Variants in CHRM3 observed in about 807,000 individuals in gnomAD.
CHRM3 encodes muscarinic acetylcholine receptor M3.
CHRM3 carries 11 observed loss-of-function variants against 41.8 expected under a neutral mutation model. The observed-to-expected ratio is 0.26, with a 90% CI of 0.17 to 0.44. CHRM3 has a LOEUF of 0.44. Among genes scored for constraint, CHRM3 ranks in the 20% least tolerant of loss-of-function variants. The probability of loss-of-function intolerance (pLI) is 1.00; values close to 1 mark genes in which losing one functional copy is unlikely to be tolerated. For synonymous variants in CHRM3, 297 were observed against 301.4 expected (o/e 0.99, Z 0.15); for missense variants, 571 against 745.4 (o/e 0.77, Z 2.72).
At chr1:239,836,872 G>A (rs1673365786) in intron 6 of CHRM3, among the ~76,000 whole-genome samples, 2 of 151,994 alleles carry the variant, frequency 1.3e-5, no homozygotes, top group South Asian at 4.1e-4. Flanking sequence ...CTACTTGGGA[G>A]GCTGAGGCAG....
At chr1:239,794,347 A>ACCTTTTGC (rs1039001741) in intron 5 of CHRM3, among the ~76,000 whole-genome samples, 15 of 149,564 alleles carry the variant, frequency 1.0e-4, no homozygotes, top group Admixed American at 1.0e-3. Flanking sequence ...AGTTAGAGTT[A>ACCTTTTGC]CCTTTTGCTT....
At chr1:239,610,229 A>G (rs1249646367) in intron 3 of CHRM3, among the ~76,000 whole-genome samples, 2 of 150,782 alleles carry the variant, frequency 1.3e-5, no homozygotes, top group African/African-American at 4.9e-5. Context: ...AAAACAGGCA[A>G]TCTTTTGTGG....
intron 3 of CHRM3, among the ~76,000 whole-genome samples, chr1:239,579,121 T>C (rs150743898): frequency 2.6e-5 from 4 of 152,216 alleles, no homozygotes; most frequent in African/African-American, 9.6e-5. Context: ...GAGTGAATGA[T>C]GAAGTGAGTG....
At chr1:239,646,566 C>T (rs1573108496) in intron 4 of CHRM3, among the ~76,000 whole-genome samples, 1 of 152,018 alleles carries the variant, frequency 6.6e-6, no homozygotes, top group Non-Finnish European at 1.5e-5. Flanking sequence ...CATAGAGATA[C>T]CCTTCTATAA....
intron 6 of CHRM3, among the ~76,000 whole-genome samples, chr1:239,851,680 T>A (rs114716882): frequency 6.6e-6 from 1 of 152,224 alleles, no homozygotes; most frequent in African/African-American, 2.4e-5. Context: ...AATATACTTA[T>A]GGAAGCAGCA....
rs146814343 is a variant in CHRM3, at chr1:239,500,394, C to G, written c.-422+7587C>G. On this transcript the variant is annotated intron_variant, in intron 2 of 6. Transcript: ENST00000676153. ...AAAAACCAAACACCGCATGTTCTCA[C>G]TCATAGGTGGGAATTGAACAATGAG... Among the ~76,000 whole-genome samples the G allele has an allele frequency of 2.4e-3, 364 of 150,298 alleles. 1 individual carries two copies. The highest frequency in any genetic ancestry group is 3.5e-3 in the Non-Finnish European group (239 of 67,854).
At chr1:239,905,172 C>T (rs1293665328) in intron 6 of CHRM3, among the ~76,000 whole-genome samples, 1 of 152,106 alleles carries the variant, frequency 6.6e-6, no homozygotes, top group East Asian at 1.9e-4. Flanking sequence ...CACATCAATT[C>T]CACCTTAAGG....
intron 3 of CHRM3, among the ~76,000 whole-genome samples, chr1:239,611,102 C>T (rs796123068): frequency 2.0e-5 from 3 of 152,072 alleles, no homozygotes; most frequent in African/African-American, 7.2e-5. Flanking sequence ...AATTTTTTAG[C>T]AACAAATTAT....
intron 5 of CHRM3, chr1:239,727,698 T>C (rs907606628): frequency 2.0e-5 from 3 of 151,860 alleles, no homozygotes; most frequent in Non-Finnish European, 4.4e-5. Flanking sequence ...TTAAGGCCAG[T>C]GGCGAGTCTC....
At chr1:239,809,894 C>T (rs967837752) in intron 5 of CHRM3, among the ~76,000 whole-genome samples, 2 of 152,182 alleles carry the variant, frequency 1.3e-5, no homozygotes, top group African/African-American at 4.8e-5. Flanking sequence ...AAGCCACACT[C>T]TTCTGCACCT....
chr1:239,514,136 A>G (rs181469523), intron 2 of CHRM3, among the ~76,000 whole-genome samples: 88 of 152,228 alleles, frequency 5.8e-4, no homozygotes, highest in African/African-American at 2.0e-3. Context: ...CTCTCTGTAT[A>G]AATTATAGAA....
intron 2 of CHRM3, among the ~76,000 whole-genome samples, chr1:239,499,164 C>T (rs1380928258): frequency 1.3e-5 from 2 of 152,114 alleles, no homozygotes; most frequent in African/African-American, 4.8e-5. Flanking sequence ...TGATAGGTTA[C>T]TTCTGACGAT....
chr1:239,836,748 C>G (rs1362441507), intron 6 of CHRM3, among the ~76,000 whole-genome samples: 2 of 152,124 alleles, frequency 1.3e-5, no homozygotes, highest in Non-Finnish European at 2.9e-5. Context: ...GAGGCCGAGG[C>G]TGATGGATCA....
At chr1:239,708,736 C>CTTTTTTTTTTTTTTTTTTTTTTTTTT (rs869143310) in intron 5 of CHRM3, among the ~76,000 whole-genome samples, 5 of 48,294 alleles carry the variant, frequency 1.0e-4, no homozygotes, top group Non-Finnish European at 1.8e-4. Context: ...TTTAAATTTT[C>CTTTTTTTTTTTTTTTTTTTTTTTTTT]TTTTTTTTTT....
intron 2 of CHRM3, among the ~76,000 whole-genome samples, chr1:239,517,951 C>G (rs998249879): frequency 1.3e-5 from 2 of 152,014 alleles, no homozygotes; most frequent in Non-Finnish European, 2.9e-5. Flanking sequence ...ACTAAAAATA[C>G]AAAAATTAGC....
chr1:239,682,866 A>G (rs1182280327), intron 5 of CHRM3, among the ~76,000 whole-genome samples: 2 of 152,104 alleles, frequency 1.3e-5, no homozygotes, highest in Non-Finnish European at 2.9e-5. Flanking sequence ...TTTTTAATTG[A>G]CACGTAATAA....
chr1:239,471,413 G>A (rs1327404882), intron 1 of CHRM3, among the ~76,000 whole-genome samples: 1 of 152,250 alleles, frequency 6.6e-6, no homozygotes, highest in East Asian at 1.9e-4. Context: ...TAAAACCTGA[G>A]AAACGCTGAC....
chr1:239,401,257 C>T (rs1218570137), intron 1 of CHRM3, among the ~76,000 whole-genome samples: 1 of 152,150 alleles, frequency 6.6e-6, no homozygotes, highest in African/African-American at 2.4e-5. Context: ...TGGCCATTCT[C>T]CAGCTTCATC....
At chr1:239,840,161 G>T (rs1408234068) in intron 6 of CHRM3, among the ~76,000 whole-genome samples, 1 of 152,166 alleles carries the variant, frequency 6.6e-6, no homozygotes, top group Non-Finnish European at 1.5e-5. Flanking sequence ...CATCCAGAAA[G>T]TTGTCTGTAA....
Sources: allele counts gnomAD v4.1 joint callset (sites outside exome capture counted in the v4.1 genomes callset), GRCh38; gene constraint gnomAD v4.1.1; transcripts MANE v1.5; gene names NCBI Gene and HGNC (gene_info 2026-07-23, HGNC 2026-07-21).